PLA2G4C: variants seen among roughly 807,000 people sequenced by gnomAD.
The protein encoded by PLA2G4C is cytosolic phospholipase A2 gamma.
In PLA2G4C, 64 loss-of-function variants were observed where a neutral mutation model predicts 73.8. That is an observed-to-expected ratio of 0.87 (90% CI 0.71 to 1.07). The LOEUF is 1.07. Among genes scored for constraint, PLA2G4C ranks in the 50% least tolerant of loss-of-function variants. The pLI, the probability that PLA2G4C is intolerant of heterozygous loss-of-function variation, is 0.00. For missense variants in PLA2G4C, 622 were observed against 665.4 expected (o/e 0.93, Z 0.72); for synonymous variants, 254 against 252.1 (o/e 1.01, Z -0.07).
intron 1 of PLA2G4C, among the ~76,000 whole-genome samples, chr19:48,110,203 G>C (rs1004497022): frequency 6.6e-6 from 1 of 151,216 alleles, no homozygotes; most frequent in African/African-American, 2.4e-5. Flanking sequence ...AAAATTAGCC[G>C]GGTGTGGTGG....
intron 16 of PLA2G4C, chr19:48,052,415 C>G (rs1967761473): frequency 6.6e-6 from 1 of 152,448 alleles, no homozygotes; most frequent in African/African-American, 2.4e-5. Context: ...AAGTGTGTAG[C>G]ACTTCCCGCT....
Position 48,053,030 on chromosome 19 carries a change from T to C in PLA2G4C, c.1547A>G (p.Lys516Arg). Residue 516 changes from lysine (K) to arginine (R), a missense_variant, in exon 16 of 17, where the codon AAG becomes AGG. Coordinates refer to ENST00000599921, the MANE Select transcript of PLA2G4C (RefSeq NM_003706.3). ...LAKKNVRENK[K>R]KILRELMNVA... Reference sequence around the variant, plus strand: ...GTTCATCAACTCTCTAAGGATCTTCTTCTTGTTTTCCCTGACATTCTTCTT... The same window carrying C: ...GTTCATCAACTCTCTAAGGATCTTCCTCTTGTTTTCCCTGACATTCTTCTT... 2 of 1,613,454 alleles carry C rather than the reference T, an allele frequency of 1.2e-6. No individual in the cohort carries two copies. The highest frequency in any genetic ancestry group is 1.1e-5 in the South Asian group (1 of 90,992).
At chr19:48,069,118 C>G (rs1968564086) in intron 12 of PLA2G4C, among the ~76,000 whole-genome samples, 1 of 151,058 alleles carries the variant, frequency 6.6e-6, no homozygotes, top group Non-Finnish European at 1.5e-5. Context: ...TTTGTTAGGG[C>G]AGCAGAGCTG....
intron 6 of PLA2G4C, among the ~76,000 whole-genome samples, chr19:48,096,443 C>T (rs575584084): frequency 2.6e-5 from 4 of 152,112 alleles, no homozygotes. Context: ...ATTAGCCAGG[C>T]GTGGTGGTGC....
intron 6 of PLA2G4C, chr19:48,097,026 A>C (rs1395728384): frequency 6.6e-6 from 1 of 151,660 alleles, no homozygotes; most frequent in Non-Finnish European, 1.5e-5. Flanking sequence ...GTGATGGCGC[A>C]TGCCTGTAAT....
At chr19:48,052,961 G>A (rs187296451) in intron 16 of PLA2G4C, 36 bp downstream of exon 16, 2 of 1,577,274 alleles carry the variant, frequency 1.3e-6, no homozygotes, top group Non-Finnish European at 1.7e-6. Flanking sequence ...TACTGAACGA[G>A]CATAGGCATC....
intron 15 of PLA2G4C, among the ~76,000 whole-genome samples, chr19:48,054,062 G>A (rs902445600): frequency 3.3e-5 from 5 of 152,238 alleles, no homozygotes; most frequent in Admixed American, 2.6e-4. Context: ...CCCAAGGGTG[G>A]ACAGGATGAC....
Position 48,048,339 on chromosome 19 carries a change from T to C in PLA2G4C, c.*4A>G. 1 of 1,597,456 alleles carries C rather than the reference T, an allele frequency of 6.3e-7. No homozygotes were observed. On this transcript the variant is annotated 3_prime_UTR_variant, in exon 17 of 17. Coordinates refer to ENST00000599921, the MANE Select transcript of PLA2G4C (RefSeq NM_003706.3). ...CCCACAGTGCCCTGGAAGCTGAGGC[T>C]CATCTATGCCAAGCAGCAACTTCGG...
intron 16 of PLA2G4C, among the ~76,000 whole-genome samples, 199 bp from the exon 17 acceptor site, chr19:48,048,587 C>G (rs1037800687): frequency 6.6e-6 from 1 of 152,152 alleles, no homozygotes; most frequent in South Asian, 2.1e-4. Context: ...ACTTTTACCA[C>G]GTAAACGTTT....
At chr19:48,054,127 G>T (rs142335963) in intron 15 of PLA2G4C, among the ~76,000 whole-genome samples, 274 of 152,288 alleles carry the variant, frequency 1.8e-3, no homozygotes, top group African/African-American at 6.3e-3. Context: ...GCACAGCACA[G>T]CTCCATTCGG....
intron 1 of PLA2G4C, among the ~76,000 whole-genome samples, chr19:48,110,204 G>A (rs866856263): frequency 8.6e-5 from 13 of 151,330 alleles, no homozygotes; most frequent in African/African-American, 3.1e-4. Context: ...AAATTAGCCG[G>A]GTGTGGTGGT....
rs982594051 is a variant in PLA2G4C at position 48,097,899 on chromosome 19, G to A, written c.568+240C>T. Reference sequence around the variant, plus strand: ...CTCCCAAACCACTGGGATTACAAGCGTGAGCCACCATGTTGGCCTCTTAAA... The same window carrying A: ...CTCCCAAACCACTGGGATTACAAGCATGAGCCACCATGTTGGCCTCTTAAA... On this transcript the variant is annotated intron_variant, in intron 6 of 16. Transcript: ENST00000599921. 2.8e-5 allele frequency: 11 copies of A among 398,556 alleles called. No individual in the cohort carries two copies. In the East Asian group the frequency reaches 3.2e-4, roughly 12 times the overall value. 24.7% of individuals were successfully genotyped at this position (398,556 alleles called of 1,614,324 possible).
intron 3 of PLA2G4C, among the ~76,000 whole-genome samples, chr19:48,105,082 C>CAAAAAAAAAAAAAAAAAAAA (rs3083068): frequency 2.3e-5 from 2 of 87,608 alleles, no homozygotes; most frequent in Non-Finnish European, 2.2e-5. Context: ...GACGTTGTCT[C>CAAAAAAAAAAAAAAAAAAAA]AAAAAAAAAA....
At chr19:48,062,659 C>A (rs913570184) in intron 13 of PLA2G4C, among the ~76,000 whole-genome samples, 3 of 152,064 alleles carry the variant, frequency 2.0e-5, no homozygotes, top group East Asian at 1.9e-4. Flanking sequence ...CTCTTACCTC[C>A]AGTACCTCAG....
intron 13 of PLA2G4C, among the ~76,000 whole-genome samples, chr19:48,067,399 C>T (rs1439285986): frequency 2.0e-5 from 3 of 152,046 alleles, no homozygotes; most frequent in South Asian, 2.1e-4. Context: ...AACTCCTGAC[C>T]TCAAGTGATC....
chr19:48,105,706 T>A (rs1171080596), intron 2 of PLA2G4C, among the ~76,000 whole-genome samples: 1 of 151,472 alleles, frequency 6.6e-6, no homozygotes, highest in Non-Finnish European at 1.5e-5. Context: ...ACACCTGTAA[T>A]CCCAGCACTT....
In PLA2G4C at chr19:48,088,729, G is replaced by C. The variant is rs1291537495; in HGVS notation, c.764-17C>G. On this transcript the variant is annotated splice_polypyrimidine_tract_variant and intron_variant, in intron 8 of 16. Coordinates refer to ENST00000599921, the MANE Select transcript of PLA2G4C (RefSeq NM_003706.3). ...TTAACTGGTCTGCAAAAGAGTAGAA[G>C]CAGGAGGAATGTTTATCTGTACAAC... 6.3e-7 allele frequency: 1 copy of C among 1,587,042 alleles called. No individual in the cohort carries two copies. Among genetic ancestry groups the C allele is most frequent in the African/African-American group, 1.3e-5 (1 of 74,410 alleles).
intron 7 of PLA2G4C, among the ~76,000 whole-genome samples, chr19:48,093,369 C>T (rs1600234395): frequency 6.6e-6 from 1 of 152,136 alleles, no homozygotes; most frequent in South Asian, 2.1e-4. Flanking sequence ...ATTCTGGTAC[C>T]CAACCTTAAA....
chr19:48,105,925 C>T (rs1442374878), intron 2 of PLA2G4C, among the ~76,000 whole-genome samples: 147 of 13,904 alleles, frequency 0.011, 17 homozygotes, highest in East Asian at 0.048. Context: ...CTCCCTCCCT[C>T]CCTCCCTCCC....
Sources: gnomAD v4.1 joint callset for allele counts (sites outside exome capture counted in the v4.1 genomes callset) on GRCh38, gnomAD v4.1.1 for gene constraint, MANE v1.5 for transcripts, NCBI Gene and HGNC (gene_info 2026-07-23, HGNC 2026-07-21) for gene names.